SDK2: variants seen among roughly 807,000 people sequenced by gnomAD.
SDK2 encodes protein sidekick-2.
Under a neutral mutation model 253.9 loss-of-function variants are expected in SDK2, and 105 were observed. The observed-to-expected ratio is 0.41, with a 90% CI of 0.35 to 0.49. The LOEUF is 0.49. Among genes scored for constraint, SDK2 ranks in the 20% least tolerant of loss-of-function variants. The probability of loss-of-function intolerance (pLI) is 0.06; values close to 1 mark genes in which losing one functional copy is unlikely to be tolerated. For synonymous variants in SDK2, 1,249 were observed against 1,234.9 expected, an observed-to-expected ratio of 1.01 and a Z score of -0.24; for missense variants, 2,608 against 3,003.0, an observed-to-expected ratio of 0.87 and a Z score of 3.07.
chr17:73,643,961 G>GCCCCCCCCCC lies in SDK2; in HGVS notation c.64+63_64+64insGGGGGGGGGG. 7.8e-6 allele frequency: 4 copies of GCCCCCCCCCC among 514,824 alleles called. No individual in the cohort carries two copies. Among genetic ancestry groups the GCCCCCCCCCC allele is most frequent in the Admixed American group, 2.5e-5 (1 of 40,748 alleles). The allele number at this position is 514,824 out of a possible 1,614,324, so 31.9% of individuals were successfully genotyped here. Reference sequence around the variant, plus strand: ...GTCACCGTGAGGCCGGCCAGCTCCCGCCGCCCCTCCCCCGCCCACTCTCCC... The same window carrying GCCCCCCCCCC: ...GTCACCGTGAGGCCGGCCAGCTCCCGCCCCCCCCCCCCGCCCCTCCCCCGCCCACTCTCCC... On this transcript the variant is annotated intron_variant, in intron 1 of 44. Coordinates refer to ENST00000392650, the MANE Select transcript of SDK2 (RefSeq NM_001144952.2). The surrounding 1 kb of genome is among the most constrained non-coding windows in gnomAD (Gnocchi z 6.9).
At chr17:73,626,931 C>T (rs1219345435) in intron 1 of SDK2, among the ~76,000 whole-genome samples, 1 of 152,190 alleles carries the variant, frequency 6.6e-6, no homozygotes, top group Non-Finnish European at 1.5e-5. Context: ...CACCCTGTGA[C>T]CCCTTCTCCA....
At chr17:73,371,906 G>A (rs1370164942) in intron 36 of SDK2, among the ~76,000 whole-genome samples, 1 of 151,292 alleles carries the variant, frequency 6.6e-6, no homozygotes, top group Non-Finnish European at 1.5e-5. Flanking sequence ...GCTGCAGTGA[G>A]CTGAGATAGC....
chr17:73,523,356 A>G (rs1032289121), intron 1 of SDK2, among the ~76,000 whole-genome samples: 3 of 151,732 alleles, frequency 2.0e-5, no homozygotes, highest in Admixed American at 2.0e-4. Context: ...TATACCCCAT[A>G]TTAAGGGCTG....
chr17:73,622,633 CTT>C (rs904860015), intron 1 of SDK2, among the ~76,000 whole-genome samples: 1 of 152,198 alleles, frequency 6.6e-6, no homozygotes, highest in Admixed American at 6.5e-5. Context: ...CGTAGAGACA[CTT>C]AGGGAAAGTA....
chr17:73,386,126 A>G (rs1763697531), intron 31 of SDK2, among the ~76,000 whole-genome samples: 1 of 152,158 alleles, frequency 6.6e-6, no homozygotes, highest in African/African-American at 2.4e-5. Context: ...CCCAAACCCA[A>G]GGGTCCCAGA....
At chr17:73,625,525 C>T (rs540642088) in intron 1 of SDK2, among the ~76,000 whole-genome samples, 29 of 152,228 alleles carry the variant, frequency 1.9e-4, no homozygotes, top group Non-Finnish European at 4.0e-4. Flanking sequence ...GGGCTTGCGA[C>T]CTGGGCAGTC....
chr17:73,422,260 G>A (rs759008710), intron 15 of SDK2, 27 bp downstream of exon 15: 34 of 1,609,424 alleles, frequency 2.1e-5, no homozygotes, highest in Middle Eastern at 1.7e-4. Flanking sequence ...TCCTGGCGAC[G>A]CCCCTGTAGA....
chr17:73,458,502 T>A (rs943368751), intron 3 of SDK2, among the ~76,000 whole-genome samples: 1 of 152,212 alleles, frequency 6.6e-6, no homozygotes, highest in Non-Finnish European at 1.5e-5. Context: ...GCCCTAGTCT[T>A]GATTCTCTTT....
At chr17:73,602,452 A>G (rs2045854195) in intron 1 of SDK2, among the ~76,000 whole-genome samples, 1 of 151,956 alleles carries the variant, frequency 6.6e-6, no homozygotes, top group Non-Finnish European at 1.5e-5. Flanking sequence ...TCTCATTCTT[A>G]GCAGAGTGCC....
At position 73,393,544 on chromosome 17, in the gene SDK2, T is replaced by G; in HGVS notation, c.3898+16A>C. ...TCCTCCCAGCCTTCCCCAAGCTTGC[T>G]GGGATACGGACTCACCATCATCCAG... is the stretch of plus-strand genomic sequence containing the variant. On this transcript the variant is annotated intron_variant, in intron 27 of 44. Transcript: ENST00000392650. 2.6e-6 allele frequency: 4 copies of G among 1,513,202 alleles called. No homozygotes were observed. Among genetic ancestry groups the G allele is most frequent in the Middle Eastern group, 1.8e-4 (1 of 5,672 alleles). The allele number at this position is 1,513,202 out of a possible 1,614,324, so 93.7% of individuals were successfully genotyped here.
At chr17:73,526,619 G>A (rs1236978516) in intron 1 of SDK2, among the ~76,000 whole-genome samples, 1 of 152,106 alleles carries the variant, frequency 6.6e-6, no homozygotes, top group Non-Finnish European at 1.5e-5. Context: ...GAGCGTGTGT[G>A]TGTGTACATA....
chr17:73,573,964 C>T (rs566576510), intron 1 of SDK2, among the ~76,000 whole-genome samples: 32 of 152,318 alleles, frequency 2.1e-4, no homozygotes, highest in Non-Finnish European at 3.7e-4. Flanking sequence ...GTCACCTCCC[C>T]GACCATGAGG....
At chr17:73,483,705 A>T (rs77526185) in intron 2 of SDK2, among the ~76,000 whole-genome samples, 10,716 of 56,548 alleles carry the variant, frequency 0.19, 1,550 homozygotes, top group Middle Eastern at 0.28. Flanking sequence ...ATATATATAT[A>T]TATTTTTTTT....
At chr17:73,561,029 C>T (rs2045224823) in intron 1 of SDK2, among the ~76,000 whole-genome samples, 1 of 152,202 alleles carries the variant, frequency 6.6e-6, no homozygotes, top group South Asian at 2.1e-4. Context: ...CTCCTCACCC[C>T]ACTACCCACA....
At position 73,542,022 on chromosome 17, in the gene SDK2, G is replaced by T. The variant is rs137894583; in HGVS notation, c.65-34425C>A. 7.3e-3 allele frequency among the ~76,000 whole-genome samples: 1,109 copies of T among 152,310 alleles called. 12 individuals carry two copies. The highest frequency in any genetic ancestry group is 0.025 in the African/African-American group (1,047 of 41,570). On this transcript the variant is annotated intron_variant, in intron 1 of 44. Coordinates refer to ENST00000392650, the MANE Select transcript of SDK2 (RefSeq NM_001144952.2). ...GTCGCGACAAGGATTAAATAAAACA[G>T]CATCTGTGAAGTGCGTGTTGCCAAC...
At position 73,353,502 on chromosome 17, in the gene SDK2, C is replaced by A. The variant is rs144404532; in HGVS notation, c.5594-865G>T. Among the ~76,000 whole-genome samples the A allele has an allele frequency of 1.0e-3, 152 of 152,206 alleles. 1 individual carries two copies. Among genetic ancestry groups the A allele is most frequent in the African/African-American group, 3.5e-3 (145 of 41,538 alleles). On this transcript the variant is annotated intron_variant, in intron 40 of 44. Transcript: ENST00000392650. ...ATGGCAGGATCTCGGCTCACAGCAA[C>A]CTCTGCCTCCCGAGTTCAAGCGATT... is the stretch of plus-strand genomic sequence containing the variant.
chr17:73,536,182 G>A (rs760449028), intron 1 of SDK2, among the ~76,000 whole-genome samples: 1 of 152,158 alleles, frequency 6.6e-6, no homozygotes, highest in Non-Finnish European at 1.5e-5. Flanking sequence ...TAATATAGCA[G>A]GTCTGGGTGG....
At chr17:73,563,795 C>G (rs1484229570) in intron 1 of SDK2, among the ~76,000 whole-genome samples, 2 of 150,766 alleles carry the variant, frequency 1.3e-5, no homozygotes, top group Non-Finnish European at 2.9e-5. Flanking sequence ...TTTTTTGAGA[C>G]AGGGTCTCCC....
At chr17:73,371,030 CT>C (rs1380689061) in intron 36 of SDK2, among the ~76,000 whole-genome samples, 2 of 152,038 alleles carry the variant, frequency 1.3e-5, no homozygotes, top group Admixed American at 6.5e-5. Context: ...CACCACTGCA[CT>C]CCAGCCTGGG....
Sources: allele counts gnomAD v4.1 joint callset (sites outside exome capture counted in the v4.1 genomes callset), GRCh38; gene constraint gnomAD v4.1.1; non-coding constraint Gnocchi (gnomAD v3.1); transcripts MANE v1.5; gene names NCBI Gene and HGNC (gene_info 2026-07-23, HGNC 2026-07-21).